Variants in CALD1 observed in about 807,000 individuals in gnomAD.
CALD1 encodes caldesmon 1.
A neutral mutation model predicts 99.9 loss-of-function variants in CALD1; 33 were observed. The ratio of observed to expected loss-of-function variants is 0.33; its 90% CI spans 0.25 to 0.44. The LOEUF is 0.44. CALD1 is among the 20% of genes least tolerant of loss of function. The pLI, the probability that CALD1 is intolerant of heterozygous loss-of-function variation, is 1.00. For synonymous variants in CALD1, 310 were observed against 325.0 expected, an observed-to-expected ratio of 0.95 and a Z score of 0.50; for missense variants, 861 against 962.1, an observed-to-expected ratio of 0.89 and a Z score of 1.39.
In CALD1 at chr7:134,821,619, G is replaced by A. The variant is rs1407734247; in HGVS notation, c.-129-22265G>A. ...TTTTTTTGAGACAGAGTCTCGCTCC[G>A]TCACCCAGGCTGGAGTGCAATGGCA... On this transcript the variant is annotated intron_variant, in intron 1 of 14. Transcript: ENST00000361675. Among the ~76,000 whole-genome samples the A allele has an allele frequency of 1.2e-4, 8 of 68,110 alleles. 1 individual carries two copies. The highest frequency in any genetic ancestry group is 2.0e-4 in the African/African-American group (4 of 19,860). The allele number at this position is 68,110 out of a possible 152,430, so 44.7% of individuals were successfully genotyped here. A position where few individuals can be genotyped will look rare whatever the true frequency, so the allele number is the denominator to read the frequency against.
At chr7:134,734,615 T>TG in the CALD1 span, among the ~76,000 whole-genome samples, 16 of 152,092 alleles carry the variant, frequency 1.1e-4, no homozygotes, top group Admixed American at 7.2e-4. Flanking sequence ...AATTGAATCA[T>TG]GGGGGTGGGC....
the CALD1 span, among the ~76,000 whole-genome samples, chr7:134,715,956 TTTATTA>T: frequency 1.3e-5 from 2 of 151,882 alleles, no homozygotes; most frequent in Non-Finnish European, 2.9e-5. Flanking sequence ...GGTATTTTGT[TTTATTA>T]TTATTATTAT....
At chr7:134,947,806 G>A (rs1212144100) in intron 8 of CALD1, 37 bp downstream of exon 8, 2 of 1,593,280 alleles carry the variant, frequency 1.3e-6, no homozygotes, top group Non-Finnish European at 1.7e-6. Flanking sequence ...ACGTTGCCCG[G>A]GAAAATTCCC....
chr7:134,793,642 C>T (rs149324424), intron 1 of CALD1, among the ~76,000 whole-genome samples: 279 of 152,166 alleles, frequency 1.8e-3, no homozygotes, highest in African/African-American at 4.5e-3. Context: ...TACCATTTAT[C>T]GTCAAACTGG....
chr7:134,907,360 TAA>T (rs1803467936), intron 3 of CALD1, among the ~76,000 whole-genome samples: 1 of 151,752 alleles, frequency 6.6e-6, no homozygotes. Context: ...AGTAGCCCTG[TAA>T]ACAGAGGAGA....
chr7:134,796,886 C>T (rs953342271), intron 1 of CALD1, among the ~76,000 whole-genome samples: 1 of 152,150 alleles, frequency 6.6e-6, no homozygotes, highest in African/African-American at 2.4e-5. Context: ...ACACTGGCCC[C>T]ATCCTCATCT....
chr7:134,915,250 T>C (rs545692620), intron 3 of CALD1, among the ~76,000 whole-genome samples: 129 of 152,348 alleles, frequency 8.5e-4, no homozygotes, highest in African/African-American at 3.0e-3. Context: ...ATGACAGTTC[T>C]GAATTGAACT....
chr7:134,794,486 T>TTTG (rs962407740), intron 1 of CALD1, among the ~76,000 whole-genome samples: 1 of 152,158 alleles, frequency 6.6e-6, no homozygotes, highest in Non-Finnish European at 1.5e-5. Flanking sequence ...CCATAGGTTT[T>TTTG]TTGTTGTTGT....
intron 2 of CALD1, among the ~76,000 whole-genome samples, chr7:134,847,861 G>T (rs1237863726): frequency 6.6e-6 from 1 of 152,054 alleles, no homozygotes; most frequent in African/African-American, 2.4e-5. Flanking sequence ...CCCCATAAGC[G>T]CAAGTGAGTA....
Position 134,935,284 on chromosome 7 carries a change from T to G in CALD1, c.1309-404T>G, listed in dbSNP as rs1342226534. On this transcript the variant is annotated intron_variant, in intron 5 of 14. Coordinates refer to ENST00000361675, the MANE Select transcript of CALD1 (RefSeq NM_033138.4). Reference sequence around the variant, plus strand: ...ACTCCTAAAAAAAGAAAAAAAGAGATGCTTTCACATTCACCTTTCCAGAGC... The same window carrying G: ...ACTCCTAAAAAAAGAAAAAAAGAGAGGCTTTCACATTCACCTTTCCAGAGC... Among the ~76,000 whole-genome samples the G allele has an allele frequency of 2.0e-5, 3 of 152,140 alleles. No homozygotes were observed. The East Asian group carries it at 5.8e-4, about 29-fold the overall frequency.
At chr7:134,833,296 G>A (rs1799304759) in intron 1 of CALD1, among the ~76,000 whole-genome samples, 1 of 152,102 alleles carries the variant, frequency 6.6e-6, no homozygotes, top group African/African-American at 2.4e-5. Flanking sequence ...AAACATTATG[G>A]GATGTTCAAT....
At chr7:134,956,004 A>T (rs1000927456) in intron 9 of CALD1, among the ~76,000 whole-genome samples, 1 of 152,152 alleles carries the variant, frequency 6.6e-6, no homozygotes, top group African/African-American at 2.4e-5. Context: ...TCACCTGGGA[A>T]TTTTTTCTAC....
At chr7:134,823,857 A>C (rs1798881416) in intron 1 of CALD1, among the ~76,000 whole-genome samples, 1 of 152,238 alleles carries the variant, frequency 6.6e-6, no homozygotes, top group South Asian at 2.1e-4. Context: ...CACAATATTA[A>C]ATAGCCATCT....
At chr7:134,769,103 TTAGA>T (rs1426878233) in intron 1 of CALD1, among the ~76,000 whole-genome samples, 1 of 150,970 alleles carries the variant, frequency 6.6e-6, no homozygotes, top group African/African-American at 2.4e-5. Flanking sequence ...ATTTATATAA[TTAGA>T]TATTTAGCTA....
intron 3 of CALD1, among the ~76,000 whole-genome samples, chr7:134,877,176 TC>T (rs1801390618): frequency 6.6e-6 from 1 of 152,206 alleles, no homozygotes; most frequent in African/African-American, 2.4e-5. Context: ...AAAGGCGCTC[TC>T]AGAAAAGCCC....
At chr7:134,903,401 T>C (rs1328919310) in intron 3 of CALD1, among the ~76,000 whole-genome samples, 1 of 152,084 alleles carries the variant, frequency 6.6e-6, no homozygotes, top group African/African-American at 2.4e-5. Flanking sequence ...AGACGGAATA[T>C]ATGGGACATT....
intron 1 of CALD1, among the ~76,000 whole-genome samples, chr7:134,751,280 A>G (rs924773164): frequency 2.6e-5 from 4 of 152,214 alleles, no homozygotes; most frequent in African/African-American, 9.6e-5. Flanking sequence ...TGCTCAATCA[A>G]TGACACCTAT....
rs545593252 is a variant in CALD1 at position 134,949,237 on chromosome 7, AC to A, written c.1795-1135del. ...TCACGAAGTCTTAGAACTGGATTGG[AC>A]CTAGGAGATTATTTGGGCTAAACTA... On this transcript the variant is annotated intron_variant, in intron 8 of 14. Coordinates refer to ENST00000361675, the MANE Select transcript of CALD1 (RefSeq NM_033138.4). Among the ~76,000 whole-genome samples the A allele has an allele frequency of 1.5e-3, 229 of 152,242 alleles. 1 individual carries two copies. The highest frequency in any genetic ancestry group is 3.4e-3 in the Middle Eastern group (1 of 294).
intron 7 of CALD1, among the ~76,000 whole-genome samples, chr7:134,945,706 C>A (rs1015454557): frequency 2.0e-5 from 3 of 152,170 alleles, no homozygotes; most frequent in African/African-American, 7.2e-5. Flanking sequence ...TCATACCAAG[C>A]TAATTTCATA....
Sources: allele counts gnomAD v4.1 joint callset (sites outside exome capture counted in the v4.1 genomes callset), GRCh38; gene constraint gnomAD v4.1.1; transcripts MANE v1.5; gene names NCBI Gene and HGNC (gene_info 2026-07-23, HGNC 2026-07-21).